The following PTPRE variants were observed in gnomAD, a reference collection of about 807,000 sequenced individuals.
PTPRE encodes the protein protein tyrosine phosphatase receptor type E, also known as receptor-type tyrosine-protein phosphatase epsilon.
Under a neutral mutation model 102.0 loss-of-function variants are expected in PTPRE, and 51 were observed. The observed-to-expected ratio is 0.50, with a 90% CI of 0.40 to 0.63. The LOEUF (loss-of-function observed/expected upper bound fraction) is 0.63. Among genes scored for constraint, PTPRE ranks in the 30% least tolerant of loss-of-function variants. The pLI is 0.00. For synonymous variants in PTPRE, 345 were observed against 348.2 expected (o/e 0.99, Z 0.10); for missense variants, 752 against 915.1 (o/e 0.82, Z 2.30).
chr10:128,011,740 C>T (rs946808558), intron 2 of PTPRE, among the ~76,000 whole-genome samples: 1 of 152,218 alleles, frequency 6.6e-6, no homozygotes, highest in Admixed American at 6.5e-5. Flanking sequence ...CTAGGGGCTC[C>T]CCCCTCCACC....
intron 2 of PTPRE, among the ~76,000 whole-genome samples, chr10:128,024,140 A>G (rs1472244326): frequency 6.6e-6 from 1 of 152,234 alleles, no homozygotes; most frequent in Non-Finnish European, 1.5e-5. Context: ...CTTTGGTTTT[A>G]TGTGACCCCC....
intron 16 of PTPRE, among the ~76,000 whole-genome samples, chr10:128,072,934 G>A (rs1436073326): frequency 6.6e-6 from 1 of 152,156 alleles, no homozygotes; most frequent in Non-Finnish European, 1.5e-5. Flanking sequence ...GGCAAAAGGG[G>A]GAATGGCAGC....
intron 1 of PTPRE, among the ~76,000 whole-genome samples, chr10:127,978,388 A>G (rs1470061597): frequency 6.6e-6 from 1 of 151,820 alleles, no homozygotes; most frequent in Non-Finnish European, 1.5e-5. Context: ...AAAATACAAA[A>G]TTAGTGGGAC....
chr10:128,036,958 G>A (rs1437952019), intron 2 of PTPRE, among the ~76,000 whole-genome samples: 1 of 152,192 alleles, frequency 6.6e-6, no homozygotes. Flanking sequence ...CTGACGCGCA[G>A]CATCCAGGGC....
intron 2 of PTPRE, among the ~76,000 whole-genome samples, chr10:128,005,479 A>G (rs1425656261): frequency 1.3e-5 from 2 of 152,226 alleles, no homozygotes; most frequent in Non-Finnish European, 2.9e-5. Flanking sequence ...TGTCTTCCCC[A>G]TCTTCACTGG....
chr10:127,979,366 A>T (rs1252438579), intron 1 of PTPRE, among the ~76,000 whole-genome samples: 40 of 152,188 alleles, frequency 2.6e-4, no homozygotes, highest in Non-Finnish European at 2.9e-5. Flanking sequence ...TCAGCGTCGC[A>T]GTGTTGGCCT....
intron 17 of PTPRE, among the ~76,000 whole-genome samples, chr10:128,074,288 T>C (rs7094840): frequency 0.62 from 94,550 of 152,128 alleles, 29,711 homozygotes; most frequent in East Asian, 0.8. Context: ...AAATAGTATT[T>C]GCTTGTGTGG....
intron 2 of PTPRE, among the ~76,000 whole-genome samples, chr10:127,993,818 C>CTATTT (rs1420484712): frequency 4.6e-5 from 7 of 151,384 alleles, no homozygotes; most frequent in African/African-American, 1.5e-4. Flanking sequence ...TATTTAATGT[C>CTATTT]ACATTCCCCC....
intron 2 of PTPRE, among the ~76,000 whole-genome samples, chr10:128,025,438 G>T (rs1467626265): frequency 6.6e-6 from 1 of 152,126 alleles, no homozygotes; most frequent in Non-Finnish European, 1.5e-5. Flanking sequence ...AGGTCAGGAC[G>T]TGGTCATTTG....
At chr10:127,954,669 C>A (rs142733605) in intron 1 of PTPRE, among the ~76,000 whole-genome samples, 28 of 152,214 alleles carry the variant, frequency 1.8e-4, no homozygotes, top group Middle Eastern at 6.8e-3. Context: ...AGCTAGGTGA[C>A]AATGCCTTGC....
At chr10:127,993,365 G>C (rs1852885620) in intron 2 of PTPRE, among the ~76,000 whole-genome samples, 1 of 152,194 alleles carries the variant, frequency 6.6e-6, no homozygotes, top group South Asian at 2.1e-4. Flanking sequence ...TATGATGTGT[G>C]ACACATAACT....
chr10:127,984,841 G>C (rs546176423), intron 2 of PTPRE, among the ~76,000 whole-genome samples: 2 of 152,282 alleles, frequency 1.3e-5, no homozygotes, highest in Non-Finnish European at 2.9e-5. Context: ...AGTCCGATAG[G>C]CCTCTTTCTT....
intron 2 of PTPRE, among the ~76,000 whole-genome samples, chr10:128,006,303 TG>T (rs763807816): frequency 6.6e-5 from 10 of 152,190 alleles, no homozygotes; most frequent in Non-Finnish European, 1.5e-4. Context: ...TCAGGGTCCC[TG>T]GGTATTTCAC....
intron 2 of PTPRE, among the ~76,000 whole-genome samples, chr10:128,013,207 A>G (rs893472471): frequency 6.6e-6 from 1 of 152,154 alleles, no homozygotes; most frequent in Non-Finnish European, 1.5e-5. Flanking sequence ...CTGGAACTGT[A>G]TTACTTCAAG....
Position 128,056,172 on chromosome 10 carries a change from A to T in PTPRE, c.470A>T (p.Glu157Val). ...GGAACTTTTGAACTGGCAAATAAAG[A>T]AGAAAACAGAGAAAAAAACAGATAT... is the stretch of plus-strand genomic sequence containing the variant. ...IQGTFELANK[E>V]ENREKNRYPN... Residue 157 changes from glutamate to valine, a missense_variant, in exon 7 of 21, where the codon GAA becomes GTA. Transcript: ENST00000254667. 3 of 1,613,054 alleles carry T rather than the reference A, an allele frequency of 1.9e-6. No homozygotes were observed. Among genetic ancestry groups the T allele is most frequent in the Non-Finnish European group, 2.5e-6 (3 of 1,179,052 alleles).
intron 2 of PTPRE, among the ~76,000 whole-genome samples, chr10:128,002,194 T>G (rs987532428): frequency 8.5e-5 from 13 of 152,286 alleles, no homozygotes; most frequent in African/African-American, 2.9e-4. Context: ...AGAGCAAAGC[T>G]GTCAGCATGA....
chr10:127,934,913 G>C (rs7097909), intron 1 of PTPRE: 22,200 of 152,292 alleles, frequency 0.15, 1,800 homozygotes, highest in African/African-American at 0.21. Context: ...CCCTGGGAGC[G>C]TCCATTTTTA....
At chr10:128,079,029 C>T (rs1465566708) in intron 19 of PTPRE, among the ~76,000 whole-genome samples, 1 of 152,318 alleles carries the variant, frequency 6.6e-6, no homozygotes, top group East Asian at 1.9e-4. Context: ...GGAGATGACT[C>T]AAATCGGCCT....
At chr10:128,054,675 G>A (rs939091359) in intron 6 of PTPRE, among the ~76,000 whole-genome samples, 2 of 151,760 alleles carry the variant, frequency 1.3e-5, no homozygotes, top group East Asian at 2.0e-4. Context: ...GAAAGAGGGC[G>A]GCCTACGGTG....
Sources: gnomAD v4.1 joint callset for allele counts (sites outside exome capture counted in the v4.1 genomes callset) on GRCh38, gnomAD v4.1.1 for gene constraint, MANE v1.5 for transcripts, NCBI Gene and HGNC (gene_info 2026-07-23, HGNC 2026-07-21) for gene names.